The following PCMTD1 variants were observed in gnomAD, a reference collection of about 807,000 sequenced individuals.
PCMTD1 encodes protein-L-isoaspartate (D-aspartate) O-methyltransferase domain containing 1, also known as protein-L-isoaspartate O-methyltransferase domain-containing protein 1.
Under a neutral mutation model 37.6 loss-of-function variants are expected in PCMTD1, and 12 were observed. The observed-to-expected ratio is 0.32, with a 90% CI of 0.20 to 0.52. The LOEUF is 0.52. Among genes scored for constraint, PCMTD1 ranks in the 20% least tolerant of loss-of-function variants. PCMTD1 has a pLI of 0.97. For synonymous variants in PCMTD1, 117 were observed against 135.8 expected (o/e 0.86, Z 0.96); for missense variants, 235 against 421.3 (o/e 0.56, Z 3.87).
At chr8:51,885,593 CAAAAT>C (rs2038854236) in intron 1 of PCMTD1, among the ~76,000 whole-genome samples, 1 of 152,146 alleles carries the variant, frequency 6.6e-6, no homozygotes, top group Non-Finnish European at 1.5e-5. Context: ...TGGGAAATGA[CAAAAT>C]AAAACCACTG....
At chr8:51,867,587 TTA>T (rs140637746) in intron 1 of PCMTD1, among the ~76,000 whole-genome samples, 2 of 146,290 alleles carry the variant, frequency 1.4e-5, no homozygotes, top group African/African-American at 5.0e-5. Flanking sequence ...TAAAATCCAT[TTA>T]TATATATATA....
intron 5 of PCMTD1, among the ~76,000 whole-genome samples, chr8:51,830,594 G>A (rs1440059992): frequency 6.6e-6 from 1 of 152,106 alleles, no homozygotes; most frequent in Non-Finnish European, 1.5e-5. Context: ...AAAGCCACCT[G>A]ACTGGCCTGC....
intron 4 of PCMTD1, 119 bp downstream of exon 4, chr8:51,833,398 TG>T: frequency 4.1e-6 from 3 of 733,776 alleles, no homozygotes; most frequent in Non-Finnish European, 6.3e-6. Context: ...AAGATAAATC[TG>T]GTGAAAAGTA....
intron 5 of PCMTD1, 148 bp downstream of exon 5, chr8:51,831,296 C>CAA (rs10578406): frequency 3.3e-3 from 1,944 of 590,346 alleles, no homozygotes; most frequent in East Asian, 6.1e-3. Context: ...AGACTGTCTC[C>CAA]AAAAAAAAAA....
chr8:51,824,058 G>T (rs1229351118), intron 5 of PCMTD1, among the ~76,000 whole-genome samples: 1 of 152,072 alleles, frequency 6.6e-6, no homozygotes, highest in South Asian at 2.1e-4. Context: ...AAAATAATAA[G>T]AGCTATTTAT....
intron 1 of PCMTD1, among the ~76,000 whole-genome samples, chr8:51,884,041 G>A (rs1192048456): frequency 6.6e-6 from 1 of 152,168 alleles, no homozygotes; most frequent in African/African-American, 2.4e-5. Context: ...GTGGCTCCGT[G>A]TCTTGAGTTT....
At chr8:51,845,616 T>G in intron 3 of PCMTD1, 45 bp downstream of exon 3, 1 of 1,318,726 alleles carries the variant, frequency 7.6e-7, no homozygotes, top group Non-Finnish European at 1.1e-6. Flanking sequence ...GTTGCATGTA[T>G]CTATTAAGTG....
rs1405293729 is a variant in PCMTD1, at chr8:51,817,941, C to G, written c.*2410G>C. The stretch of plus-strand genomic sequence containing the variant: ...TGTTTTCTCATCTGCAAAATAAACA[C>G]CCAAATTAGATGATACTTACTGTTT... On this transcript the variant is annotated 3_prime_UTR_variant, in exon 6 of 6. Coordinates refer to ENST00000522514, the MANE Select transcript of PCMTD1 (RefSeq NM_052937.4). 1 of 456,658 alleles carries G rather than the reference C, an allele frequency of 2.2e-6. No homozygotes were observed. The highest frequency in any genetic ancestry group is 4.4e-6 in the Non-Finnish European group (1 of 226,980). The allele number at this position is 456,658 out of a possible 1,614,324, so 28.3% of individuals were successfully genotyped here. A position where few individuals can be genotyped will look rare whatever the true frequency, so the allele number is the denominator to read the frequency against.
chr8:51,861,344 C>A (rs2038466603), intron 1 of PCMTD1, 98 bp from the exon 2 acceptor site: 1 of 871,098 alleles, frequency 1.1e-6, no homozygotes, highest in Non-Finnish European at 1.7e-6. Context: ...ACTACCATTT[C>A]TCATGGAAAT....
At chr8:51,826,437 G>A (rs889848399) in intron 5 of PCMTD1, among the ~76,000 whole-genome samples, 18 of 152,046 alleles carry the variant, frequency 1.2e-4, no homozygotes, top group Non-Finnish European at 2.1e-4. Context: ...GGGTTGATGG[G>A]TGCAGCAAAC....
At chr8:51,895,132 G>T (rs2038982551) in intron 1 of PCMTD1, among the ~76,000 whole-genome samples, 1 of 152,058 alleles carries the variant, frequency 6.6e-6, no homozygotes, top group South Asian at 2.1e-4. Flanking sequence ...ACTCTAAAAA[G>T]GAAAAGAACT....
rs2037929525 is a variant in PCMTD1, at chr8:51,826,939, T to G, written c.706+4505A>C. The G allele has an allele frequency of 4.5e-6, 4 of 889,506 alleles. No individual in the cohort carries two copies. In the South Asian group the frequency reaches 2.1e-4, roughly 46 times the overall value. The allele number at this position is 889,506 out of a possible 1,614,324, so 55.1% of individuals were successfully genotyped here. ...ATGAAAAATTATGACTCCACTTTAGTAAGTTGTTTAATATGAGCAACTTGA... is the reference window on the plus strand; with the variant it reads ...ATGAAAAATTATGACTCCACTTTAGGAAGTTGTTTAATATGAGCAACTTGA... On this transcript the variant is annotated intron_variant, in intron 5 of 5. Transcript: ENST00000522514.
intron 2 of PCMTD1, among the ~76,000 whole-genome samples, chr8:51,857,121 T>TCCCATGACAAA (rs1366333854): frequency 6.6e-6 from 1 of 151,808 alleles, no homozygotes; most frequent in Admixed American, 6.6e-5. Flanking sequence ...AGAGAGAGAG[T>TCCCATGACAAA]GTAGAGGTCA....
chr8:51,822,846 A>C (rs1361281673), intron 5 of PCMTD1, among the ~76,000 whole-genome samples: 1 of 152,208 alleles, frequency 6.6e-6, no homozygotes, highest in Non-Finnish European at 1.5e-5. Context: ...AATCTACCCT[A>C]AAGTTTTAGA....
chr8:51,827,078 C>T (rs968600603), intron 5 of PCMTD1: 9 of 985,082 alleles, frequency 9.1e-6, no homozygotes, highest in Non-Finnish European at 1.1e-5. Flanking sequence ...GTCCTCTCAA[C>T]AGAAAGCTAT....
chr8:51,869,634 G>C (rs1001034618), intron 1 of PCMTD1, among the ~76,000 whole-genome samples: 2 of 152,018 alleles, frequency 1.3e-5, no homozygotes, highest in Non-Finnish European at 2.9e-5. Context: ...ACAATTTTAG[G>C]AGTGTTCAAG....
chr8:51,825,220 T>C (rs1186902620), intron 5 of PCMTD1, among the ~76,000 whole-genome samples: 1 of 152,156 alleles, frequency 6.6e-6, no homozygotes, highest in African/African-American at 2.4e-5. Context: ...AAAGAGCTTC[T>C]GCACAGCAAA....
intron 2 of PCMTD1, among the ~76,000 whole-genome samples, chr8:51,855,352 AC>A (rs2038371099): frequency 6.7e-6 from 1 of 149,192 alleles, no homozygotes; most frequent in South Asian, 2.1e-4. Flanking sequence ...ACATGGCGAA[AC>A]CCCGTCTTTA....
At chr8:51,821,735 G>GT (rs2037851268) in intron 5 of PCMTD1, among the ~76,000 whole-genome samples, 3 of 149,900 alleles carry the variant, frequency 2.0e-5, no homozygotes, top group Admixed American at 6.6e-5. Flanking sequence ...TGGGGTTCTG[G>GT]TTTTGTTTTT....
Sources: gnomAD v4.1 joint callset for allele counts (sites outside exome capture counted in the v4.1 genomes callset) on GRCh38, gnomAD v4.1.1 for gene constraint, MANE v1.5 for transcripts, NCBI Gene and HGNC (gene_info 2026-07-23, HGNC 2026-07-21) for gene names.